ASTN2: variants seen among roughly 807,000 people sequenced by gnomAD.
ASTN2 encodes astrotactin 2, also known as astrotactin-2.
ASTN2 carries 54 observed loss-of-function variants against 139.8 expected under a neutral mutation model. That is an observed-to-expected ratio of 0.39 (90% CI 0.31 to 0.48). The LOEUF (loss-of-function observed/expected upper bound fraction) is 0.48. Ranked by LOEUF, ASTN2 falls within the 20% of genes least tolerant of loss-of-function variation. The probability of loss-of-function intolerance (pLI) is 0.95; values close to 1 mark genes in which losing one functional copy is unlikely to be tolerated. For missense variants in ASTN2, 1,565 were observed against 1,725.1 expected (o/e 0.91, Z 1.64); for synonymous variants, 756 against 719.5 (o/e 1.05, Z -0.81).
intron 6 of ASTN2, among the ~76,000 whole-genome samples, chr9:117,014,130 C>A (rs1047772059): frequency 6.6e-6 from 1 of 152,056 alleles, no homozygotes; most frequent in Admixed American, 6.6e-5. Context: ...GGAGAAATGT[C>A]TTCCTGGAAA....
At chr9:116,644,606 T>A (rs1857499274) in intron 17 of ASTN2, among the ~76,000 whole-genome samples, 2 of 152,200 alleles carry the variant, frequency 1.3e-5, no homozygotes, top group Admixed American at 1.3e-4. Context: ...CTGTTCTTAG[T>A]TTTACTATCT....
intron 19 of ASTN2, among the ~76,000 whole-genome samples, chr9:116,537,165 A>G (rs1055993312): frequency 6.6e-6 from 1 of 152,212 alleles, no homozygotes; most frequent in African/African-American, 2.4e-5. Flanking sequence ...CACGTGCGGG[A>G]TATAATCTCC....
chr9:116,732,012 A>G (rs1354242453), intron 14 of ASTN2, among the ~76,000 whole-genome samples: 1 of 152,238 alleles, frequency 6.6e-6, no homozygotes, highest in Non-Finnish European at 1.5e-5. Context: ...TGATCTTAAA[A>G]AAAATGAAAA....
chr9:116,469,027 A>G (rs937567662), intron 20 of ASTN2, among the ~76,000 whole-genome samples: 2 of 152,322 alleles, frequency 1.3e-5, no homozygotes, highest in Middle Eastern at 3.4e-3. Flanking sequence ...CTGGGCTGAA[A>G]GGCATTCTCT....
intron 19 of ASTN2, among the ~76,000 whole-genome samples, chr9:116,528,229 G>A (rs987089718): frequency 1.3e-5 from 2 of 152,208 alleles, no homozygotes; most frequent in African/African-American, 4.8e-5. Context: ...CTCAGATGGA[G>A]ATGAGAAACT....
At chr9:116,897,410 G>C (rs3843826) in intron 10 of ASTN2, among the ~76,000 whole-genome samples, 27,829 of 152,126 alleles carry the variant, frequency 0.18, 3,472 homozygotes, top group African/African-American at 0.34. Context: ...AAGGATTACA[G>C]GCCATTTAGG....
Position 116,774,470 on chromosome 9 carries a change from A to G in ASTN2, c.2396+31162T>C, listed in dbSNP as rs1830030872. Among the ~76,000 whole-genome samples the G allele has an allele frequency of 2.0e-5, 3 of 152,208 alleles. No individual in the cohort carries two copies. In the South Asian group the frequency reaches 6.2e-4, roughly 31 times the overall value. On this transcript the variant is annotated intron_variant, in intron 13 of 22. Coordinates refer to ENST00000313400, the MANE Select transcript of ASTN2 (RefSeq NM_001365068.1). ...ATAATAATAGCACCCAACATTTATT[A>G]TATACCTTCTGTGGTGCTAGGTACA...
At chr9:116,854,303 C>T (rs929681213) in intron 11 of ASTN2, among the ~76,000 whole-genome samples, 4 of 152,172 alleles carry the variant, frequency 2.6e-5, no homozygotes, top group Non-Finnish European at 5.9e-5. Context: ...CTGCTTAGGG[C>T]CATGTTCTAG....
intron 5 of ASTN2, among the ~76,000 whole-genome samples, chr9:117,061,532 T>A (rs953142173): frequency 2.0e-5 from 3 of 152,186 alleles, no homozygotes; most frequent in Admixed American, 1.3e-4. Flanking sequence ...CCAGGTGCTC[T>A]TTTAGCACAC....
At chr9:117,060,870 G>C (rs1587918087) in intron 5 of ASTN2, among the ~76,000 whole-genome samples, 1 of 152,000 alleles carries the variant, frequency 6.6e-6, no homozygotes, top group Non-Finnish European at 1.5e-5. Context: ...ACTCCAGACT[G>C]GGTGACAGAG....
At chr9:116,838,774 ACT>A (rs1303115710) in intron 11 of ASTN2, among the ~76,000 whole-genome samples, 1 of 151,882 alleles carries the variant, frequency 6.6e-6, no homozygotes, top group African/African-American at 2.4e-5. Context: ...AGATGAGAAC[ACT>A]CTGAGCCTCA....
At chr9:116,521,582 A>C (rs936639636) in intron 19 of ASTN2, among the ~76,000 whole-genome samples, 41 of 152,134 alleles carry the variant, frequency 2.7e-4, no homozygotes, top group African/African-American at 9.4e-4. Flanking sequence ...CTTTCTGGAA[A>C]TTGGCTTAGG....
intron 10 of ASTN2, among the ~76,000 whole-genome samples, chr9:116,904,073 C>T (rs948665843): frequency 2.0e-5 from 3 of 152,240 alleles, no homozygotes; most frequent in Admixed American, 6.5e-5. Context: ...ATCCTTCTAC[C>T]ATCCTTGCCA....
At chr9:116,833,910 G>A (rs1460904037) in intron 11 of ASTN2, among the ~76,000 whole-genome samples, 2 of 152,124 alleles carry the variant, frequency 1.3e-5, no homozygotes, top group Admixed American at 6.6e-5. Flanking sequence ...TGGGAGACCA[G>A]AGTTCCCTCC....
chr9:116,447,952 G>A (rs930254876), intron 20 of ASTN2, among the ~76,000 whole-genome samples: 1 of 152,132 alleles, frequency 6.6e-6, no homozygotes. Flanking sequence ...TCACAGCAGG[G>A]GTGAGAGAAT....
chr9:116,609,304 CT>C (rs1378936619), intron 19 of ASTN2, among the ~76,000 whole-genome samples: 9 of 66,576 alleles, frequency 1.4e-4, no homozygotes, highest in Admixed American at 3.4e-4. Context: ...GGATCTCTCT[CT>C]CTCTCTCTCT....
intron 4 of ASTN2, among the ~76,000 whole-genome samples, chr9:117,101,922 T>C (rs1364652096): frequency 1.3e-5 from 2 of 152,192 alleles, no homozygotes; most frequent in Non-Finnish European, 2.9e-5. Context: ...CCCTCATACA[T>C]TGCTGCTGGA....
intron 16 of ASTN2, among the ~76,000 whole-genome samples, chr9:116,655,555 T>C (rs144113595): frequency 6.6e-6 from 1 of 152,304 alleles, no homozygotes; most frequent in Non-Finnish European, 1.5e-5. Flanking sequence ...CTCTTCTCTC[T>C]GCACAGAATT....
chr9:117,297,548 T>C (rs180713948), intron 1 of ASTN2, among the ~76,000 whole-genome samples: 13 of 152,262 alleles, frequency 8.5e-5, no homozygotes, highest in African/African-American at 3.1e-4. Context: ...GGAAGGTCAA[T>C]GAGAAGTGTT....
Sources: allele counts gnomAD v4.1 joint callset (sites outside exome capture counted in the v4.1 genomes callset), GRCh38; gene constraint gnomAD v4.1.1; transcripts MANE v1.5; gene names NCBI Gene and HGNC (gene_info 2026-07-23, HGNC 2026-07-21).